The following MGAT4C variants were observed in gnomAD, a reference collection of about 807,000 sequenced individuals.
MGAT4C encodes alpha-1,3-mannosyl-glycoprotein 4-beta-N-acetylglucosaminyltransferase C.
MGAT4C carries 19 observed loss-of-function variants against 40.1 expected under a neutral mutation model. The ratio of observed to expected loss-of-function variants is 0.47; its 90% CI spans 0.33 to 0.70. The LOEUF (loss-of-function observed/expected upper bound fraction) is 0.70. MGAT4C is among the 30% of genes least tolerant of loss of function. The pLI is 0.02. For synonymous variants in MGAT4C, 181 were observed against 187.1 expected (o/e 0.97, Z 0.27); for missense variants, 491 against 563.2 (o/e 0.87, Z 1.30).
At chr12:86,412,918 A>T (rs1037718507) in intron 3 of MGAT4C, among the ~76,000 whole-genome samples, 2 of 152,164 alleles carry the variant, frequency 1.3e-5, no homozygotes, top group African/African-American at 4.8e-5. Flanking sequence ...ATAGTGAGTG[A>T]GTTATCACAA....
intron 2 of MGAT4C, among the ~76,000 whole-genome samples, chr12:86,611,482 A>ATAGATAGG (rs1565882754): frequency 6.6e-6 from 1 of 151,892 alleles, no homozygotes; most frequent in Non-Finnish European, 1.5e-5. Context: ...AGATAGATAG[A>ATAGATAGG]TAGATAGATA....
intron 2 of MGAT4C, among the ~76,000 whole-genome samples, chr12:86,723,561 C>T (rs901736355): frequency 6.6e-6 from 1 of 152,122 alleles, no homozygotes; most frequent in Non-Finnish European, 1.5e-5. Flanking sequence ...GTCTGCATAT[C>T]TGAATTTCCC....
intron 1 of MGAT4C, among the ~76,000 whole-genome samples, chr12:86,195,026 C>T (rs1949748089): frequency 6.6e-6 from 1 of 152,138 alleles, no homozygotes; most frequent in South Asian, 2.1e-4. Context: ...TGTTAGGCTC[C>T]CCTCTCAGCA....
chr12:86,423,315 T>C (rs981084394), intron 3 of MGAT4C, among the ~76,000 whole-genome samples: 30 of 151,860 alleles, frequency 2.0e-4, no homozygotes, highest in Admixed American at 1.6e-3. Flanking sequence ...AATATTATTA[T>C]TATTGTCATT....
At position 86,046,262 on chromosome 12, in the gene MGAT4C, AG is replaced by A. The variant is rs541708691; in HGVS notation, c.-7+3411del. Among the ~76,000 whole-genome samples the A allele has an allele frequency of 2.7e-3, 410 of 152,314 alleles. 3 individuals carry two copies. Among genetic ancestry groups the A allele is most frequent in the Middle Eastern group, 0.01 (3 of 294 alleles). ...AAGTGAAATCTGTTCCCCACTCATGAGTTCAAGCTGACTTTTTAATATGTTT... is the reference window on the plus strand; with the variant it reads ...AAGTGAAATCTGTTCCCCACTCATGATTCAAGCTGACTTTTTAATATGTTT... On this transcript the variant is annotated intron_variant, in intron 2 of 4. Coordinates refer to ENST00000611864, the MANE Select transcript of MGAT4C (RefSeq NM_001351288.2).
intron 2 of MGAT4C, among the ~76,000 whole-genome samples, chr12:86,440,988 A>C: frequency 6.6e-6 from 1 of 152,192 alleles, no homozygotes; most frequent in East Asian, 1.9e-4. Context: ...ATGGAAATAC[A>C]TCCGATGCTC....
At chr12:86,665,343 T>C (rs919592843) in intron 2 of MGAT4C, among the ~76,000 whole-genome samples, 3 of 152,160 alleles carry the variant, frequency 2.0e-5, no homozygotes, top group Non-Finnish European at 4.4e-5. Context: ...AAACCCATTA[T>C]AGACACATGA....
chr12:86,336,998 C>T (rs1468210118), intron 3 of MGAT4C, among the ~76,000 whole-genome samples: 1 of 152,106 alleles, frequency 6.6e-6, no homozygotes, highest in East Asian at 1.9e-4. Flanking sequence ...GTTGTCTAAC[C>T]TCTCTAAACT....
At chr12:86,518,193 GAAC>G (rs1361542471) in intron 2 of MGAT4C, among the ~76,000 whole-genome samples, 4 of 152,034 alleles carry the variant, frequency 2.6e-5, no homozygotes, top group African/African-American at 4.8e-5. Context: ...CCAACTGCAT[GAAC>G]AACAACAACA....
rs925343217 is a variant in MGAT4C, at chr12:86,403,457, C to G, written c.-120+31700G>C. ...TTTTTGCTAGGGCAGAAGTGGTGTA[C>G]TCACTAGGATTACAGAAATGTCAAC... On this transcript the variant is annotated intron_variant, in intron 3 of 7. Transcript: ENST00000548651. 5.3e-5 allele frequency among the ~76,000 whole-genome samples: 8 copies of G among 152,298 alleles called. No individual in the cohort carries two copies. In the East Asian group the frequency reaches 9.6e-4, roughly 18 times the overall value.
chr12:86,810,201 C>A (rs2136214896), intron 1 of MGAT4C, among the ~76,000 whole-genome samples: 1 of 151,790 alleles, frequency 6.6e-6, no homozygotes, highest in Admixed American at 6.6e-5. Context: ...TAAAATTGAT[C>A]CTGAGTCTTA....
intron 1 of MGAT4C, among the ~76,000 whole-genome samples, chr12:86,732,059 A>G (rs547041015): frequency 2.6e-5 from 4 of 152,224 alleles, no homozygotes; most frequent in Admixed American, 6.5e-5. Flanking sequence ...TTCAGCCACC[A>G]CTGGACATTT....
chr12:85,991,169 G>T (rs1885882640), intron 2 of MGAT4C, among the ~76,000 whole-genome samples: 1 of 152,158 alleles, frequency 6.6e-6, no homozygotes, highest in South Asian at 2.1e-4. Flanking sequence ...GCACTTAGCA[G>T]AGAGGTTAGC....
intron 1 of MGAT4C, among the ~76,000 whole-genome samples, chr12:86,119,695 C>T (rs1217389975): frequency 6.6e-6 from 1 of 151,342 alleles, no homozygotes; most frequent in African/African-American, 2.4e-5. Flanking sequence ...AGCGGTGAGC[C>T]ACTATGCCCG....
chr12:86,473,357 C>T (rs2136305779), intron 2 of MGAT4C, among the ~76,000 whole-genome samples: 1 of 152,304 alleles, frequency 6.6e-6, no homozygotes, highest in Non-Finnish European at 1.5e-5. Flanking sequence ...TGACAAACCA[C>T]TGCTGTGATC....
At chr12:86,270,057 A>ATGTTTTGTTTTGTTTTGTTT (rs1030619696) in intron 4 of MGAT4C, among the ~76,000 whole-genome samples, 10 of 151,144 alleles carry the variant, frequency 6.6e-5, no homozygotes, top group Non-Finnish European at 3.0e-5. Flanking sequence ...TTGTTTTGTT[A>ATGTTTTGTTTTGTTTTGTTT]TGTTTTGTTT....
At chr12:86,035,244 A>G (rs2136918294) in intron 2 of MGAT4C, among the ~76,000 whole-genome samples, 1 of 149,990 alleles carries the variant, frequency 6.7e-6, no homozygotes, top group South Asian at 2.1e-4. Context: ...TTGTTTCCTA[A>G]CTTTTTAATG....
At chr12:86,833,288 G>A (rs1952968203) in intron 1 of MGAT4C, among the ~76,000 whole-genome samples, 1 of 151,742 alleles carries the variant, frequency 6.6e-6, no homozygotes, top group Non-Finnish European at 1.5e-5. Flanking sequence ...TGAAAGAGAG[G>A]GAGGAGAAAG....
chr12:86,144,981 C>T (rs1352618992), intron 1 of MGAT4C, among the ~76,000 whole-genome samples: 1 of 151,450 alleles, frequency 6.6e-6, no homozygotes, highest in Non-Finnish European at 1.5e-5. Flanking sequence ...GAAAACAAAA[C>T]AAAACAAAAA....
Sources: allele counts gnomAD v4.1 joint callset (sites outside exome capture counted in the v4.1 genomes callset), GRCh38; gene constraint gnomAD v4.1.1; transcripts MANE v1.5; gene names NCBI Gene and HGNC (gene_info 2026-07-23, HGNC 2026-07-21).